NPIPB2: variants seen among roughly 807,000 people sequenced by gnomAD.
NPIPB2 encodes the protein nuclear pore complex interacting protein family member B2.
A neutral mutation model predicts 30.8 loss-of-function variants in NPIPB2; 27 were observed. The observed-to-expected ratio is 0.88, with a 90% CI of 0.65 to 1.21. NPIPB2 has a LOEUF of 1.21. NPIPB2 is among the 50% of genes most tolerant of loss of function. NPIPB2 has a pLI of 0.00. For synonymous variants in NPIPB2, 147 were observed against 162.0 expected, an observed-to-expected ratio of 0.91 and a Z score of 0.70; for missense variants, 440 against 446.2, an observed-to-expected ratio of 0.99 and a Z score of 0.13.
intron 1 of NPIPB2, among the ~76,000 whole-genome samples, chr16:11,954,156 T>C (rs1178700963): frequency 1.3e-5 from 2 of 152,150 alleles, no homozygotes; most frequent in African/African-American, 2.4e-5. Flanking sequence ...ATCTCTTTCA[T>C]GCAAAATTCC....
chr16:11,947,308 A>T (rs988366026), intron 1 of NPIPB2, among the ~76,000 whole-genome samples: 1 of 70,514 alleles, frequency 1.4e-5, no homozygotes, highest in Non-Finnish European at 4.8e-5. Flanking sequence ...TTATTTATTT[A>T]TTTATTTATT....
At chr16:11,934,161 C>T (rs916022075) in intron 2 of NPIPB2, among the ~76,000 whole-genome samples, 33 of 147,286 alleles carry the variant, frequency 2.2e-4, no homozygotes, top group Non-Finnish European at 4.5e-4. Context: ...AGCTGGGAGG[C>T]GGAGGTTGCA....
intron 1 of NPIPB2, among the ~76,000 whole-genome samples, chr16:11,957,796 A>T (rs965288381): frequency 1.8e-4 from 28 of 152,116 alleles, no homozygotes; most frequent in Admixed American, 1.1e-3. Context: ...GTACTGCAAC[A>T]TCCACTCTTA....
At chr16:11,942,868 C>T (rs1331157803), upstream of NPIPB2, among the ~76,000 whole-genome samples, 6 of 152,182 alleles carry the variant, frequency 3.9e-5, no homozygotes, top group Admixed American at 6.6e-5. Context: ...CCCAAACTCA[C>T]TCAGGCCTCT....
At chr16:11,972,755 T>A (rs982773868) in intron 1 of NPIPB2, among the ~76,000 whole-genome samples, 1 of 151,718 alleles carries the variant, frequency 6.6e-6, no homozygotes, top group South Asian at 2.1e-4. Context: ...TCCCAGCTAC[T>A]TGGGAGGCTG....
chr16:11,953,225 A>C (rs2055083155), intron 1 of NPIPB2, among the ~76,000 whole-genome samples: 1 of 152,158 alleles, frequency 6.6e-6, no homozygotes, highest in African/African-American at 2.4e-5. Flanking sequence ...GGCTCACTGC[A>C]ACCTCCGCTT....
At chr16:11,966,106 G>C (rs1296753034) in intron 1 of NPIPB2, 1 of 1,369,034 alleles carries the variant, frequency 7.3e-7, no homozygotes, top group Non-Finnish European at 9.8e-7. Flanking sequence ...GCAAGACTTT[G>C]TCTCAAAATA....
rs1239008774 is a variant in NPIPB2, at chr16:11,975,143, T to TTTC, written c.-584+1424_-584+1425insGAA. ...TGTGTTCACACTCAATCCATCACCT[T>TTTC]TTTTTTTTTTTTTTTTTTTTTTGAG... On this transcript the variant is annotated intron_variant, in intron 1 of 5. Transcript: ENST00000538896. 1.7e-3 allele frequency among the ~76,000 whole-genome samples: 89 copies of TTTC among 52,746 alleles called. 3 individuals are homozygous for TTTC. Among genetic ancestry groups the TTTC allele is most frequent in the African/African-American group, 5.5e-3 (72 of 12,988 alleles). The allele number at this position is 52,746 out of a possible 152,430, so 34.6% of individuals were successfully genotyped here.
exon 4 of NPIPB2, chr16:11,933,638 C>A (rs535735201): frequency 6.9e-6 from 11 of 1,596,662 alleles, no homozygotes; most frequent in African/African-American, 2.7e-5. Context: ...AGAGTAATGA[C>A]GTCTTTCAGG....
intron 1 of NPIPB2, among the ~76,000 whole-genome samples, chr16:11,952,933 T>C (rs1452467449): frequency 6.6e-6 from 1 of 152,072 alleles, no homozygotes; most frequent in African/African-American, 2.4e-5. Flanking sequence ...CCAGATGCTA[T>C]TTGGGATCTC....
chr16:11,955,750 T>C (rs1596502789), intron 1 of NPIPB2, among the ~76,000 whole-genome samples: 4 of 24,040 alleles, frequency 1.7e-4, no homozygotes, highest in Admixed American at 1.6e-3. Flanking sequence ...AAAAAAGAAA[T>C]TTGCCACTCC....
At chr16:11,935,192 T>C (rs923543159) in intron 2 of NPIPB2, among the ~76,000 whole-genome samples, 4 of 150,266 alleles carry the variant, frequency 2.7e-5, no homozygotes, top group Non-Finnish European at 4.4e-5. Flanking sequence ...AAGATTTCCA[T>C]ATTATCACAG....
intron 1 of NPIPB2, among the ~76,000 whole-genome samples, chr16:11,964,434 G>GA (rs1475286755): frequency 1.3e-5 from 2 of 149,388 alleles, no homozygotes; most frequent in Non-Finnish European, 3.0e-5. Context: ...TTTTTTTTGA[G>GA]ATAGAGTCTT....
intron 1 of NPIPB2, among the ~76,000 whole-genome samples, chr16:11,938,694 G>A (rs1375405401): frequency 6.6e-6 from 1 of 151,962 alleles, no homozygotes; most frequent in Admixed American, 6.6e-5. Flanking sequence ...AAACTGTCCT[G>A]GGCCACATGC....
intron 1 of NPIPB2, chr16:11,964,979 G>A: frequency 2.8e-6 from 1 of 354,314 alleles, no homozygotes; most frequent in Non-Finnish European, 5.2e-6. Context: ...TGAACATTCG[G>A]CTTGATGCTG....
chr16:11,965,548 G>T (rs576185838), intron 1 of NPIPB2: 2 of 1,305,770 alleles, frequency 1.5e-6, no homozygotes, highest in Non-Finnish European at 2.1e-6. Context: ...GGGCATGATG[G>T]TGAGTTTTCT....
At chr16:11,964,622 C>T (rs531411427) in intron 1 of NPIPB2, among the ~76,000 whole-genome samples, 11 of 152,154 alleles carry the variant, frequency 7.2e-5, no homozygotes, top group Non-Finnish European at 1.5e-4. Flanking sequence ...ACCATGTTGG[C>T]CAGGCTGTTC....
chr16:11,969,116 C>T (rs975310808), intron 1 of NPIPB2, among the ~76,000 whole-genome samples: 5 of 152,058 alleles, frequency 3.3e-5, no homozygotes, highest in African/African-American at 1.2e-4. Context: ...ATTCACCTGC[C>T]TTGGCCTCCC....
intron 2 of NPIPB2, among the ~76,000 whole-genome samples, chr16:11,936,186 C>T (rs1384583896): frequency 6.8e-6 from 1 of 147,716 alleles, no homozygotes; most frequent in African/African-American, 2.5e-5. Flanking sequence ...CACCTGTAAT[C>T]CCAGCTACTT....
Sources: allele counts gnomAD v4.1 joint callset (sites outside exome capture counted in the v4.1 genomes callset), GRCh38; gene constraint gnomAD v4.1.1; transcripts MANE v1.5; gene names NCBI Gene and HGNC (gene_info 2026-07-23, HGNC 2026-07-21).